Variants in ADAMTS13 observed in about 807,000 individuals in gnomAD.
ADAMTS13 encodes A disintegrin and metalloproteinase with thrombospondin motifs 13.
Under a neutral mutation model 155.1 loss-of-function variants are expected in ADAMTS13, and 110 were observed. That is an observed-to-expected ratio of 0.71 (90% CI 0.61 to 0.83). The LOEUF (loss-of-function observed/expected upper bound fraction) is 0.83. Among genes scored for constraint, ADAMTS13 ranks in the 40% least tolerant of loss-of-function variants. The pLI, the probability that ADAMTS13 is intolerant of heterozygous loss-of-function variation, is 0.00. For synonymous variants in ADAMTS13, 758 were observed against 756.4 expected, an observed-to-expected ratio of 1.00 and a Z score of -0.03; for missense variants, 1,707 against 1,891.7, an observed-to-expected ratio of 0.90 and a Z score of 1.81.
At chr9:133,427,862 T>C (rs1840386538) in intron 6 of ADAMTS13, among the ~76,000 whole-genome samples, 1 of 152,228 alleles carries the variant, frequency 6.6e-6, no homozygotes, top group Non-Finnish European at 1.5e-5. Context: ...CAGAAATTTC[T>C]AGAAAAAGGG....
Position 133,448,621 on chromosome 9 carries a change from G to A in ADAMTS13, c.2754G>A (p.Leu918=), listed in dbSNP as rs1037940236. The change falls in exon 22 of 29, where the codon CTG becomes CTA. Residue 918 remains leucine (L), a synonymous_variant. Transcript: ENST00000355699. ...CAGGTCTGATGGAGCTGCGTTTCCT[G>A]TGCATGGACTCTGCCCTCAGGGTGC... ...CGRGLMELRF[L]CMDSALRVPV... 3 of 1,610,442 alleles carry A rather than the reference G, an allele frequency of 1.9e-6. No homozygotes were observed. The highest frequency in any genetic ancestry group is 2.2e-5 in the East Asian group (1 of 44,874).
Position 133,423,187 on chromosome 9 carries a change from C to G in ADAMTS13, c.172+20C>G. On this transcript the variant is annotated intron_variant, in intron 2 of 28. Transcript: ENST00000355699. ...TAAAAGGTACTTGTCCTGGTGTCTT[C>G]TCTCCCGGGGGGAGTTTCTCAGGAC... 6.2e-7 allele frequency: 1 copy of G among 1,611,982 alleles called. No individual in the cohort carries two copies. The highest frequency in any genetic ancestry group is 8.5e-7 in the Non-Finnish European group (1 of 1,178,280).
In ADAMTS13 at chr9:133,455,428, G is replaced by A. The variant is rs1554795477; in HGVS notation, c.3393G>A (p.Val1131=). The part of the protein sequence containing the change: ...TVRGCWAGPC[V]GQGACGRQHL... The stretch of plus-strand genomic sequence containing the variant: ...GTGGCTGCTGGGCTGGGCCCTGTGT[G>A]GGACAGGGTACGCCCAGCCTGGTGC... The change falls in exon 25 of 29, where the codon GTG becomes GTA. Residue 1131 remains valine (V), a synonymous_variant. Coordinates refer to ENST00000355699, the MANE Select transcript of ADAMTS13 (RefSeq NM_139027.6). The A allele has an allele frequency of 2.5e-6, 4 of 1,612,566 alleles. No homozygotes were observed. Among genetic ancestry groups the A allele is most frequent in the Middle Eastern group, 1.6e-4 (1 of 6,062 alleles).
rs1842328853 is a variant in ADAMTS13 at position 133,449,921 on chromosome 9, C to T, written c.3000C>T (p.Arg1000=). ...ACACCCAGTGCCAGGGGCTGCCTCG[C>T]CCGGAACCCCAGGAGGCCTGCAGCC... ...LLDTQCQGLP[R]PEPQEACSLE... Residue 1000 remains arginine (R), a synonymous_variant, in exon 23 of 29, where the codon CGC becomes CGT. Coordinates refer to ENST00000355699, the MANE Select transcript of ADAMTS13 (RefSeq NM_139027.6). 3.7e-6 allele frequency: 6 copies of T among 1,612,166 alleles called. No homozygotes were observed. Among genetic ancestry groups the T allele is most frequent in the Non-Finnish European group, 5.1e-6 (6 of 1,179,652 alleles).
chr9:133,442,854 C>T (rs1055763145), intron 18 of ADAMTS13, 111 bp downstream of exon 18: 29 of 1,451,764 alleles, frequency 2.0e-5, no homozygotes, highest in Admixed American at 7.1e-5. Flanking sequence ...GGCTGAGCTG[C>T]TCCTGTGCAG....
rs782017013 is a variant in ADAMTS13, at chr9:133,456,415, G to A, written c.3548-128G>A. 104 of 1,392,156 alleles carry A rather than the reference G, an allele frequency of 7.5e-5. No individual in the cohort carries two copies. Among genetic ancestry groups the A allele is most frequent in the Non-Finnish European group, 1.0e-4 (102 of 1,013,054 alleles). The allele number at this position is 1,392,156 out of a possible 1,614,324, so 86.2% of individuals were successfully genotyped here. On this transcript the variant is annotated intron_variant, in intron 26 of 28. Transcript: ENST00000355699. The surrounding 1 kb of genome is among the most constrained non-coding windows in gnomAD (Gnocchi z 4.4). ...TAGGAGAGATTAAGTGATGTGCCCA[G>A]TTACTTAGAGTCACATAGCCAGCAG...
In ADAMTS13 at chr9:133,437,896, G is replaced by C; in HGVS notation, c.1583G>C (p.Arg528Thr). 6.2e-7 allele frequency: 1 copy of C among 1,613,480 alleles called. No homozygotes were observed. Among genetic ancestry groups the C allele is most frequent in the South Asian group, 1.1e-5 (1 of 91,068 alleles). The change falls in exon 13 of 29, where the codon AGG becomes ACG. Residue 528 changes from arginine to threonine, a missense_variant and splice_region_variant. Coordinates refer to ENST00000355699, the MANE Select transcript of ADAMTS13 (RefSeq NM_139027.6). ...TLSLCVSGSC[R>T]TFGCDGRMDS... The stretch of plus-strand genomic sequence containing the variant: ...AGCCTGTGTGTGTCGGGCAGCTGCA[G>C]GGTAGGCGTGTGTGGACATTGGCGA...
At chr9:133,423,714 G>A (rs1013421436) in intron 2 of ADAMTS13, among the ~76,000 whole-genome samples, 1 of 152,234 alleles carries the variant, frequency 6.6e-6, no homozygotes, top group African/African-American at 2.4e-5. Flanking sequence ...GGCAACAGGA[G>A]GGCAAGGCCC....
intron 6 of ADAMTS13, among the ~76,000 whole-genome samples, chr9:133,426,901 G>T (rs35314130): frequency 0.31 from 47,595 of 151,766 alleles, 9,397 homozygotes; most frequent in Non-Finnish European, 0.43. Context: ...CCTCCTGGGT[G>T]CAAGTGATTC....
upstream of ADAMTS13, chr9:133,417,930 C>G: frequency 7.7e-7 from 1 of 1,300,642 alleles, no homozygotes. Context: ...AAGCGCCTGC[C>G]CAGGCCAGGC....
At chr9:133,414,612 C>G in exon 1 of ADAMTS13, 1 of 1,527,392 alleles carries the variant, frequency 6.5e-7, no homozygotes, top group East Asian at 2.2e-5. Flanking sequence ...GGAGACAGGC[C>G]TTGGTGAAGT....
chr9:133,423,222 G>T, intron 2 of ADAMTS13, 55 bp downstream of exon 2: 2 of 1,530,456 alleles, frequency 1.3e-6, no homozygotes, highest in African/African-American at 1.4e-5. Context: ...CTTTCAAGGG[G>T]TATCTCACCA....
chr9:133,419,973 C>T (rs982173178), upstream of ADAMTS13, among the ~76,000 whole-genome samples: 1 of 151,780 alleles, frequency 6.6e-6, no homozygotes, highest in Admixed American at 6.6e-5. Flanking sequence ...GGCGCAATCT[C>T]GGCTCACCGC....
chr9:133,422,475 C>T lies in ADAMTS13; in HGVS notation c.32C>T (p.Pro11Leu). Residue 11 changes from proline to leucine, a missense_variant, in exon 1 of 29, where the codon CCT becomes CTT. Around this residue, in one of 3 missense-constraint regions of ADAMTS13, gnomAD observed 733 missense variants for 749.6 expected, o/e 0.98. Transcript: ENST00000355699. ...CAGCGTCACCCCCGGGCAAGATGCC[C>T]TCCCCTCTGTGTGGCCGGAATCCTT... MHQRHPRARCPPLCVAGILAC... is the reference protein window; with the variant it reads MHQRHPRARCLPLCVAGILAC... 6.2e-7 allele frequency: 1 copy of T among 1,614,108 alleles called. No individual in the cohort carries two copies. Among genetic ancestry groups the T allele is most frequent in the Non-Finnish European group, 8.5e-7 (1 of 1,180,034 alleles).
intron 1 of ADAMTS13, among the ~76,000 whole-genome samples, chr9:133,416,911 C>T (rs1554781691): frequency 1.3e-5 from 2 of 152,318 alleles, no homozygotes; most frequent in Non-Finnish European, 1.5e-5. Flanking sequence ...ACTTCAAGAC[C>T]GTAAGTGTCG....
chr9:133,426,024 G>A lies in ADAMTS13; in HGVS notation c.501G>A (p.Thr167=), dbSNP rs587636999. The change falls in exon 5 of 29, where the codon ACG becomes ACA. Residue 167 remains threonine (T), a synonymous_variant. Transcript: ENST00000355699. The stretch of plus-strand genomic sequence containing the variant: ...AGACCATCAACCCTGAGGACGACAC[G>A]GATCCTGGCCATGCTGACCTGGTCC... ...WSQTINPEDD[T]DPGHADLVLY... is the part of the protein sequence containing the mutation. 3.3e-5 allele frequency: 53 copies of A among 1,614,040 alleles called. No homozygotes were observed. In the South Asian group the frequency reaches 4.0e-4, roughly 12 times the overall value.
rs1588189799 is a variant in ADAMTS13 at position 133,445,777 on chromosome 9, T to C, written c.2689T>C (p.Trp897Arg). Residue 897 changes from tryptophan to arginine, a missense_variant, in exon 21 of 29, where the codon TGG becomes CGG. Transcript: ENST00000355699. This position sits in a 1 kb window ranked among gnomAD's most constrained non-coding sequence, Gnocchi z 5.0. ...IRTGAQAAHV[W>R]TPAAGSCSVS... is the part of the protein sequence containing the mutation. ...GACGGGGGCTCAAGCTGCACACGTGTGGACCCCTGCGGCAGGGTCGTGCTC... is the reference window on the plus strand; with the variant it reads ...GACGGGGGCTCAAGCTGCACACGTGCGGACCCCTGCGGCAGGGTCGTGCTC... The C allele has an allele frequency of 1.2e-6, 2 of 1,602,108 alleles. No homozygotes were observed. The highest frequency in any genetic ancestry group is 1.7e-6 in the Non-Finnish European group (2 of 1,171,278).
Position 133,451,350 on chromosome 9 carries a change from C to A in ADAMTS13, c.3044+1385C>A, listed in dbSNP as rs587769262. 2.0e-5 allele frequency among the ~76,000 whole-genome samples: 3 copies of A among 152,280 alleles called. No individual in the cohort carries two copies. The South Asian group carries it at 6.2e-4, about 32-fold the overall frequency. ...TTGGCTCACTGCAACCTCCGCCTCC[C>A]GGGTTCAAGCCATTCTCCTGTCTCA... On this transcript the variant is annotated intron_variant, in intron 23 of 28. Coordinates refer to ENST00000355699, the MANE Select transcript of ADAMTS13 (RefSeq NM_139027.6).
At chr9:133,435,977 CTTTTTTTTT>C (rs781795173) in intron 11 of ADAMTS13, among the ~76,000 whole-genome samples, 2 of 128,402 alleles carry the variant, frequency 1.6e-5, no homozygotes, top group African/African-American at 5.7e-5. Context: ...CTTTTCTCTT[CTTTTTTTTT>C]TTTTTTTTTT....
Sources: gnomAD v4.1 joint callset for allele counts (sites outside exome capture counted in the v4.1 genomes callset) on GRCh38, gnomAD v4.1.1 for gene constraint, gnomAD v4.1.1 regional missense constraint, Gnocchi (gnomAD v3.1) non-coding constraint, MANE v1.5 for transcripts, NCBI Gene and HGNC (gene_info 2026-07-23, HGNC 2026-07-21) for gene names.